The following STAP1 variants were observed in gnomAD, a reference collection of about 807,000 sequenced individuals.
STAP1 encodes the protein signal-transducing adaptor protein 1.
STAP1 carries 30 observed loss-of-function variants against 37.8 expected under a neutral mutation model. The ratio of observed to expected loss-of-function variants is 0.79; its 90% CI spans 0.59 to 1.08. STAP1 has a LOEUF of 1.08. Ranked by LOEUF, STAP1 falls within the 50% of genes least tolerant of loss-of-function variation. STAP1 has a pLI of 0.00. For missense variants in STAP1, 357 were observed against 349.4 expected (o/e 1.02, Z -0.17); for synonymous variants, 130 against 116.0 (o/e 1.12, Z -0.78).
Position 67,583,648 on chromosome 4 carries a change from T to C in STAP1, c.605T>C (p.Leu202Pro). The C allele has an allele frequency of 6.2e-7, 1 of 1,614,050 alleles. No individual in the cohort carries two copies. The highest frequency in any genetic ancestry group is 8.5e-7 in the Non-Finnish European group (1 of 1,179,954). The change falls in exon 6 of 9, where the codon CTG (leucine) becomes CCG (proline). Residue 202 changes from leucine (L) to proline (P), a missense_variant. Physicochemically the swap from Leu to Pro is moderately conservative, Grantham distance 98. Coordinates refer to ENST00000265404, the MANE Select transcript of STAP1 (RefSeq NM_012108.4). Reference sequence around the variant, plus strand: ...AACCCTTCTTTGGGAAATATGATCCTGAGGCCTGGTAGTGACAGTAGAAAC... The same window carrying C: ...AACCCTTCTTTGGGAAATATGATCCCGAGGCCTGGTAGTGACAGTAGAAAC... ...QKNPSLGNMI[L>P]RPGSDSRNYS...
In STAP1 at chr4:67,581,394, G is replaced by C. The variant is rs946785426; in HGVS notation, c.453G>C (p.Glu151Asp). The change falls in exon 5 of 9, where the codon GAG (glutamate) becomes GAC (aspartate). Residue 151 changes from glutamate to aspartate, a missense_variant. Coordinates refer to ENST00000265404, the MANE Select transcript of STAP1 (RefSeq NM_012108.4). The stretch of plus-strand genomic sequence containing the variant: ...AGAGAGAAAAGAAAAGGAGGATTGA[G>C]ACAGAGCAGAGTACGTCCGTGGAAA... Reference protein sequence around the residue: ...VLEREKKRRIETEQSTSVEKE... With the variant: ...VLEREKKRRIDTEQSTSVEKE... 1 of 1,614,114 alleles carries C rather than the reference G, an allele frequency of 6.2e-7. No individual in the cohort carries two copies. The highest frequency in any genetic ancestry group is 1.3e-5 in the African/African-American group (1 of 75,066).
intron 2 of STAP1, among the ~76,000 whole-genome samples, 178 bp downstream of exon 2, chr4:67,571,333 T>C (rs925232894): frequency 6.6e-6 from 1 of 152,226 alleles, no homozygotes; most frequent in African/African-American, 2.4e-5. Context: ...TGGTAAATTT[T>C]CCTGGGCAAT....
At chr4:67,594,699 A>T (rs1728187374) in intron 8 of STAP1, among the ~76,000 whole-genome samples, 1 of 152,160 alleles carries the variant, frequency 6.6e-6, no homozygotes, top group African/African-American at 2.4e-5. Flanking sequence ...CATCTAAATT[A>T]TTGGTTCCTG....
chr4:67,605,615 G>A (rs1030224730), intron 8 of STAP1, among the ~76,000 whole-genome samples: 4 of 152,178 alleles, frequency 2.6e-5, no homozygotes, highest in African/African-American at 9.7e-5. Flanking sequence ...TATCTGTAGT[G>A]TAACGTATTT....
In STAP1 at chr4:67,606,420, C is replaced by A. The variant is rs74754879; in HGVS notation, c.*63C>A. The A allele has an allele frequency of 6.9e-7, 1 of 1,441,128 alleles. No individual in the cohort carries two copies. Among genetic ancestry groups the A allele is most frequent in the African/African-American group, 1.4e-5 (1 of 69,894 alleles). 89.3% of individuals were successfully genotyped at this position (1,441,128 alleles called of 1,614,324 possible). A position where few individuals can be genotyped will look rare whatever the true frequency, so the allele number is the denominator to read the frequency against. Reference sequence around the variant, plus strand: ...TTATATTTTCAAAACGAAGTTCTTACTTTTAAAGAGAATTACCTATATTCT... The same window carrying A: ...TTATATTTTCAAAACGAAGTTCTTAATTTTAAAGAGAATTACCTATATTCT... On this transcript the variant is annotated 3_prime_UTR_variant, in exon 9 of 9. Coordinates refer to ENST00000265404, the MANE Select transcript of STAP1 (RefSeq NM_012108.4).
chr4:67,563,015 G>T (rs7681780), intron 1 of STAP1, among the ~76,000 whole-genome samples: 112,586 of 152,046 alleles, frequency 0.74, 43,087 homozygotes, highest in Non-Finnish European at 0.86. Context: ...CTTTACTTGC[G>T]CACAAAAACA....
chr4:67,567,258 G>A (rs941525960), intron 1 of STAP1, among the ~76,000 whole-genome samples: 1 of 152,122 alleles, frequency 6.6e-6, no homozygotes, highest in African/African-American at 2.4e-5. Flanking sequence ...ACCATTTATT[G>A]GCTGATCCTT....
chr4:67,603,064 T>C (rs1040745062), intron 8 of STAP1, among the ~76,000 whole-genome samples: 1 of 152,088 alleles, frequency 6.6e-6, no homozygotes, highest in African/African-American at 2.4e-5. Context: ...TATTTGGTGC[T>C]CTATTCTACT....
intron 8 of STAP1, among the ~76,000 whole-genome samples, chr4:67,597,459 G>T (rs1270516373): frequency 2.0e-5 from 3 of 152,212 alleles, no homozygotes; most frequent in African/African-American, 7.2e-5. Flanking sequence ...CACTGGCACT[G>T]CCTAGTGGAG....
chr4:67,563,564 C>A (rs1231717823), intron 1 of STAP1, among the ~76,000 whole-genome samples: 1 of 152,100 alleles, frequency 6.6e-6, no homozygotes, highest in Non-Finnish European at 1.5e-5. Context: ...ATTAGCCAGG[C>A]GTGGTGGCAC....
chr4:67,581,266 G>A (rs904076721), intron 4 of STAP1, 39 bp from the exon 5 acceptor site: 4 of 1,591,086 alleles, frequency 2.5e-6, no homozygotes, highest in Non-Finnish European at 3.4e-6. Context: ...AAGTTATTAA[G>A]CTGTTTTCTT....
At chr4:67,587,464 C>G (rs1264447692) in intron 6 of STAP1, among the ~76,000 whole-genome samples, 1 of 152,210 alleles carries the variant, frequency 6.6e-6, no homozygotes, top group Non-Finnish European at 1.5e-5. Flanking sequence ...TATCATCCAC[C>G]TTTACCTAGC....
At chr4:67,566,692 G>A (rs1198503268) in intron 1 of STAP1, among the ~76,000 whole-genome samples, 3 of 152,068 alleles carry the variant, frequency 2.0e-5, no homozygotes, top group African/African-American at 4.8e-5. Flanking sequence ...AAAGTAGGTT[G>A]GACACGGTAG....
At chr4:67,603,550 T>C (rs1728389279) in intron 8 of STAP1, among the ~76,000 whole-genome samples, 1 of 152,090 alleles carries the variant, frequency 6.6e-6, no homozygotes, top group Non-Finnish European at 1.5e-5. Context: ...GCTTGGCTAC[T>C]GTTGATGTTT....
intron 1 of STAP1, among the ~76,000 whole-genome samples, chr4:67,563,939 TAA>T (rs35320647): frequency 0.078 from 11,360 of 145,828 alleles, 480 homozygotes; most frequent in Middle Eastern, 0.095. Context: ...AAACGATTGT[TAA>T]AAAAAAAAAA....
intron 8 of STAP1, among the ~76,000 whole-genome samples, chr4:67,594,078 T>G (rs1728174866): frequency 6.6e-6 from 1 of 152,304 alleles, no homozygotes; most frequent in South Asian, 2.1e-4. Context: ...TGTAATAGTC[T>G]CTCTCTATCT....
intron 1 of STAP1, among the ~76,000 whole-genome samples, chr4:67,565,908 C>T (rs1727455472): frequency 6.8e-6 from 1 of 146,018 alleles, no homozygotes; most frequent in Admixed American, 6.8e-5. Context: ...GTCATACCCA[C>T]TTCTCTTCCC....
intron 1 of STAP1, among the ~76,000 whole-genome samples, chr4:67,568,642 T>C (rs989940197): frequency 2.0e-5 from 3 of 152,210 alleles, no homozygotes; most frequent in African/African-American, 7.2e-5. Flanking sequence ...TAATTAAATA[T>C]TCACCACATC....
chr4:67,594,888 TG>T (rs1728191359), intron 8 of STAP1, among the ~76,000 whole-genome samples: 1 of 152,222 alleles, frequency 6.6e-6, no homozygotes, highest in South Asian at 2.1e-4. Context: ...TTTATTGGGT[TG>T]TTTTTTCTTT....
Sources: gnomAD v4.1 joint callset for allele counts (sites outside exome capture counted in the v4.1 genomes callset) on GRCh38, gnomAD v4.1.1 for gene constraint, MANE v1.5 for transcripts, NCBI Gene and HGNC (gene_info 2026-07-23, HGNC 2026-07-21) for gene names.